FREM1: variants seen among roughly 807,000 people sequenced by gnomAD.
FREM1 encodes the protein FRAS1-related extracellular matrix protein 1.
A neutral mutation model predicts 210.1 loss-of-function variants in FREM1; 220 were observed. The ratio of observed to expected loss-of-function variants is 1.05; its 90% CI spans 0.94 to 1.17. The LOEUF (loss-of-function observed/expected upper bound fraction) is 1.17. Ranked by LOEUF, FREM1 falls within the 50% of genes most tolerant of loss-of-function variation. The pLI, the probability that FREM1 is intolerant of heterozygous loss-of-function variation, is 0.00. For missense variants in FREM1, 3,454 were observed against 2,675.5 expected, an observed-to-expected ratio of 1.29 and a Z score of -6.42; for synonymous variants, 1,189 against 980.2, an observed-to-expected ratio of 1.21 and a Z score of -3.98.
At chr9:14,804,233 C>T (rs2133357692) in intron 19 of FREM1, among the ~76,000 whole-genome samples, 1 of 152,292 alleles carries the variant, frequency 6.6e-6, no homozygotes, top group South Asian at 2.1e-4. Context: ...TTGCCCGTAA[C>T]ACACAGGACT....
intron 34 of FREM1, 90 bp downstream of exon 34, chr9:14,746,833 T>C: frequency 1.4e-6 from 2 of 1,419,660 alleles, no homozygotes; most frequent in Non-Finnish European, 1.9e-6. Context: ...GTAGCATGGG[T>C]TGAGTCATGC....
intron 24 of FREM1, chr9:14,782,261 T>C (rs779993909): frequency 5.0e-6 from 2 of 401,772 alleles, no homozygotes; most frequent in Non-Finnish European, 6.8e-6. Flanking sequence ...ATTTCTAAAA[T>C]GCCATCTAAT....
At chr9:14,881,407 A>T (rs1419868077) in intron 1 of FREM1, among the ~76,000 whole-genome samples, 1 of 152,230 alleles carries the variant, frequency 6.6e-6, no homozygotes, top group Non-Finnish European at 1.5e-5. Context: ...ACAGGAAAAA[A>T]AAAGCTATCT....
chr9:14,874,496 CTTTT>C, intron 1 of FREM1, among the ~76,000 whole-genome samples: 1 of 149,614 alleles, frequency 6.7e-6, no homozygotes, highest in East Asian at 2.0e-4. Context: ...CAACCCCTGC[CTTTT>C]TTTGTTTTCC....
At chr9:14,856,181 C>G (rs1828696167) in intron 5 of FREM1, among the ~76,000 whole-genome samples, 1 of 152,112 alleles carries the variant, frequency 6.6e-6, no homozygotes, top group Non-Finnish European at 1.5e-5. Flanking sequence ...CTCTCAGTTA[C>G]TCTAAGAAAT....
chr9:14,848,682 C>CG lies in FREM1; in HGVS notation c.1243dup (p.Arg415ProfsTer12). The CG allele has an allele frequency of 3.1e-6, 5 of 1,604,522 alleles. No homozygotes were observed. Among genetic ancestry groups the CG allele is most frequent in the African/African-American group, 1.3e-5 (1 of 74,836 alleles). On this transcript the variant is annotated frameshift_variant, in exon 7 of 37. Coordinates refer to ENST00000380880, the MANE Select transcript of FREM1 (RefSeq NM_001379081.2). LOFTEE classifies it high-confidence loss of function. ...AGCTTTACCTGTATTCCAGGATACACGGGGGGCATTTGTATCTGCTGTTCT... is the reference window on the plus strand; with the variant it reads ...AGCTTTACCTGTATTCCAGGATACACGGGGGGGCATTTGTATCTGCTGTTCT...
chr9:14,738,775 C>T (rs181045804), intron 36 of FREM1, among the ~76,000 whole-genome samples: 20 of 151,968 alleles, frequency 1.3e-4, no homozygotes, highest in Admixed American at 9.2e-4. Flanking sequence ...TTTGGGAGAC[C>T]GAGGCAGGTG....
chr9:14,793,587 G>T (rs986023678), intron 21 of FREM1, among the ~76,000 whole-genome samples: 1 of 152,126 alleles, frequency 6.6e-6, no homozygotes, highest in African/African-American at 2.4e-5. Flanking sequence ...AGCCTATATG[G>T]CCATTGTCCC....
At chr9:14,862,635 G>A (rs1830786553) in intron 3 of FREM1, among the ~76,000 whole-genome samples, 1 of 152,056 alleles carries the variant, frequency 6.6e-6, no homozygotes, top group Non-Finnish European at 1.5e-5. Context: ...CCCCAAAAGA[G>A]ACATATTTCC....
At chr9:14,760,620 C>T (rs1184839231) in intron 27 of FREM1, among the ~76,000 whole-genome samples, 1 of 151,448 alleles carries the variant, frequency 6.6e-6, no homozygotes, top group Non-Finnish European at 1.5e-5. Flanking sequence ...CATTTTTTTT[C>T]AAAAACAAAC....
intron 1 of FREM1, among the ~76,000 whole-genome samples, chr9:14,880,290 A>T (rs1039949112): frequency 6.6e-6 from 1 of 152,174 alleles, no homozygotes; most frequent in Non-Finnish European, 1.5e-5. Context: ...AAAAAGGAAA[A>T]GAAGAGCATG....
At chr9:14,818,614 T>C (rs1218430472) in intron 14 of FREM1, among the ~76,000 whole-genome samples, 1 of 152,188 alleles carries the variant, frequency 6.6e-6, no homozygotes, top group Non-Finnish European at 1.5e-5. Flanking sequence ...TGTAGGAAAG[T>C]TTCTTACAGA....
At position 14,805,106 on chromosome 9, in the gene FREM1, C is replaced by T. The variant is rs1470638769; in HGVS notation, c.3321G>A (p.Val1107=). Residue 1107 remains valine, a synonymous_variant, in exon 19 of 37, where the codon GTG becomes GTA. Coordinates refer to ENST00000380880, the MANE Select transcript of FREM1 (RefSeq NM_001379081.2). ...GTTCTATCCTCAGATGCCTGGACTG[C>T]ACATAGTTAATGTGAAAAGCGTTCA... ...KDMNAFHINY[V]QSRHLRIEPT... is the part of the protein sequence containing the mutation. The T allele has an allele frequency of 1.2e-6, 2 of 1,604,858 alleles. No homozygotes were observed. The highest frequency in any genetic ancestry group is 3.4e-5 in the Admixed American group (2 of 59,440).
intron 28 of FREM1, among the ~76,000 whole-genome samples, chr9:14,759,173 T>C (rs1285952044): frequency 1.3e-5 from 2 of 152,180 alleles, no homozygotes; most frequent in Non-Finnish European, 2.9e-5. Context: ...AAAGAGTTCA[T>C]AGAAACAAAT....
intron 3 of FREM1, among the ~76,000 whole-genome samples, chr9:14,863,218 G>A (rs1202289517): frequency 1.3e-5 from 2 of 151,554 alleles, no homozygotes; most frequent in African/African-American, 4.8e-5. Context: ...GTGGGCGCCT[G>A]TAGTCCCAGC....
At chr9:14,820,559 C>A (rs1719652704) in intron 13 of FREM1, among the ~76,000 whole-genome samples, 2 of 152,210 alleles carry the variant, frequency 1.3e-5, no homozygotes, top group African/African-American at 4.8e-5. Flanking sequence ...TGCTCAAGAG[C>A]CTGCTGTGTC....
In FREM1 at chr9:14,784,505, G is replaced by C. The variant is rs372974119; in HGVS notation, c.4307C>G (p.Pro1436Arg). The C allele has an allele frequency of 6.2e-7, 1 of 1,613,752 alleles. No homozygotes were observed. Among genetic ancestry groups the C allele is most frequent in the African/African-American group, 1.3e-5 (1 of 74,906 alleles). The change falls in exon 24 of 37, where the codon CCT becomes CGT. Residue 1436 changes from proline to arginine, a missense_variant. By Grantham distance (103) the Pro-to-Arg change is moderately radical (BLOSUM62 -2). Coordinates refer to ENST00000380880, the MANE Select transcript of FREM1 (RefSeq NM_001379081.2). ...PEELLYVITS[P>R]PRYGQIEYVH... is the part of the protein sequence containing the mutation. ...ATATTCGATCTGGCCATATCGCGGA[G>C]GGGAGGTGATGACATAGAGCAGTTC...
At chr9:14,880,885 A>G (rs1007640129) in intron 1 of FREM1, among the ~76,000 whole-genome samples, 6 of 152,240 alleles carry the variant, frequency 3.9e-5, no homozygotes, top group African/African-American at 1.2e-4. Context: ...AAATAAATTG[A>G]AGAAAGTCAC....
chr9:14,851,536 C>T lies in FREM1; in HGVS notation c.900G>A (p.Met300Ile). Reference sequence around the variant, plus strand: ...GATCCACTTCCAGAATAAACACGGCCATGAATGCAGCCTTTGGAATCTGAT... The same window carrying T: ...GATCCACTTCCAGAATAAACACGGCTATGAATGCAGCCTTTGGAATCTGAT... ...IPNQIPKAAFMAVFILEVDQF... is the reference protein window; with the variant it reads ...IPNQIPKAAFIAVFILEVDQF... The change falls in exon 6 of 37, where the codon ATG becomes ATA. Residue 300 changes from methionine (M) to isoleucine (I), a missense_variant. By Grantham distance (10) the Met-to-Ile change is conservative. Transcript: ENST00000380880. 13 of 1,613,924 alleles carry T rather than the reference C, an allele frequency of 8.1e-6. No homozygotes were observed. The highest frequency in any genetic ancestry group is 1.7e-5 in the Admixed American group (1 of 60,018).
Sources: allele counts gnomAD v4.1 joint callset (sites outside exome capture counted in the v4.1 genomes callset), GRCh38; gene constraint gnomAD v4.1.1; transcripts MANE v1.5; gene names NCBI Gene and HGNC (gene_info 2026-07-23, HGNC 2026-07-21).